Variants in NALCN observed in about 807,000 individuals in gnomAD.
The protein encoded by NALCN is sodium leak channel, non-selective, also known as sodium leak channel NALCN.
Under a neutral mutation model 225.3 loss-of-function variants are expected in NALCN, and 111 were observed. The observed-to-expected ratio is 0.49, with a 90% CI of 0.42 to 0.58. The LOEUF (loss-of-function observed/expected upper bound fraction) is 0.58, where lower values mean the gene tolerates loss of function less well. Among genes scored for constraint, NALCN ranks in the 20% least tolerant of loss-of-function variants. The pLI, the probability that NALCN is intolerant of heterozygous loss-of-function variation, is 0.00. For missense variants in NALCN, 1,378 were observed against 2,202.4 expected, an observed-to-expected ratio of 0.63 and a Z score of 7.49; for synonymous variants, 764 against 769.0, an observed-to-expected ratio of 0.99 and a Z score of 0.11.
intron 37 of NALCN, among the ~76,000 whole-genome samples, chr13:101,069,945 C>T (rs1355725125): frequency 2.6e-5 from 4 of 152,126 alleles, no homozygotes; most frequent in Non-Finnish European, 4.4e-5. Flanking sequence ...ACATGTGCAG[C>T]GACCTCCTTC....
intron 6 of NALCN, among the ~76,000 whole-genome samples, chr13:101,360,154 TTC>T (rs1332652742): frequency 1.4e-5 from 2 of 147,200 alleles, no homozygotes; most frequent in East Asian, 4.0e-4. Flanking sequence ...CTTTTTTTCT[TTC>T]TTTCTTTCTC....
At chr13:101,100,986 T>C (rs983930688) in intron 26 of NALCN, 98 bp from the exon 27 acceptor site, 17 of 934,318 alleles carry the variant, frequency 1.8e-5, no homozygotes, top group Non-Finnish European at 2.5e-5. Flanking sequence ...GATAACATTG[T>C]ATAAAAATCA....
At chr13:101,176,572 A>C (rs1022904983) in intron 14 of NALCN, among the ~76,000 whole-genome samples, 198 bp from the exon 15 acceptor site, 20 of 152,242 alleles carry the variant, frequency 1.3e-4, no homozygotes, top group African/African-American at 4.8e-4. Context: ...CGTTCATTGA[A>C]ATAATATGTT....
chr13:101,147,560 A>C (rs1282922151), intron 15 of NALCN, among the ~76,000 whole-genome samples: 1 of 152,112 alleles, frequency 6.6e-6, no homozygotes, highest in Non-Finnish European at 1.5e-5. Flanking sequence ...ACAAACAAAA[A>C]CAAAAATATA....
In NALCN at chr13:101,055,241, A is replaced by ACAT. The variant is rs2031065248; in HGVS notation, c.*51_*53dup. On this transcript the variant is annotated 3_prime_UTR_variant, in exon 44 of 44. Transcript: ENST00000251127. ...CAGATTGCTCACTGGACAATCAAGGACATTATTAGAAAACGGTTTCCACCA... is the reference window on the plus strand; with the variant it reads ...CAGATTGCTCACTGGACAATCAAGGACATCATTATTAGAAAACGGTTTCCACCA... 7.2e-7 allele frequency: 1 copy of ACAT among 1,394,950 alleles called. No individual in the cohort carries two copies. Among genetic ancestry groups the ACAT allele is most frequent in the African/African-American group, 1.4e-5 (1 of 70,486 alleles). The allele number at this position is 1,394,950 out of a possible 1,614,324, so 86.4% of individuals were successfully genotyped here.
At chr13:101,381,069 AAAT>A (rs1419078288) in intron 3 of NALCN, among the ~76,000 whole-genome samples, 1 of 152,184 alleles carries the variant, frequency 6.6e-6, no homozygotes, top group East Asian at 1.9e-4. Context: ...ATGAACGGAC[AAAT>A]AATGTTTTCA....
intron 32 of NALCN, 92 bp downstream of exon 32, chr13:101,083,000 T>G: frequency 1.3e-6 from 2 of 1,538,982 alleles, no homozygotes; most frequent in South Asian, 1.1e-5. Flanking sequence ...CCCAAGAACA[T>G]AACCGTGAAT....
At chr13:101,314,322 A>C (rs1274915204) in intron 7 of NALCN, among the ~76,000 whole-genome samples, 1 of 152,150 alleles carries the variant, frequency 6.6e-6, no homozygotes, top group African/African-American at 2.4e-5. Flanking sequence ...AATAAAATAA[A>C]AAAATGTATA....
intron 10 of NALCN, among the ~76,000 whole-genome samples, chr13:101,261,083 T>C (rs1241192447): frequency 6.6e-6 from 1 of 152,222 alleles, no homozygotes; most frequent in Non-Finnish European, 1.5e-5. Flanking sequence ...TTCATTCTTC[T>C]GCATATGGAT....
chr13:101,382,552 A>AC (rs1223627026), intron 3 of NALCN, among the ~76,000 whole-genome samples: 1 of 152,160 alleles, frequency 6.6e-6, no homozygotes, highest in Admixed American at 6.5e-5. Flanking sequence ...ATGTGACTGA[A>AC]TTTTTGTTTC....
intron 33 of NALCN, among the ~76,000 whole-genome samples, 157 bp from the exon 34 acceptor site, chr13:101,081,803 A>G (rs1177596387): frequency 1.3e-5 from 2 of 152,212 alleles, no homozygotes; most frequent in Non-Finnish European, 2.9e-5. Flanking sequence ...TGAAAATGAG[A>G]CAAACACTTT....
chr13:101,099,646 C>A (rs989153276), intron 27 of NALCN, among the ~76,000 whole-genome samples: 8 of 152,110 alleles, frequency 5.3e-5, no homozygotes, highest in Non-Finnish European at 1.0e-4. Flanking sequence ...CAAAAATTGT[C>A]TAATTATTAA....
chr13:101,317,627 A>C (rs993497132), intron 7 of NALCN, among the ~76,000 whole-genome samples: 1 of 152,136 alleles, frequency 6.6e-6, no homozygotes, highest in Non-Finnish European at 1.5e-5. Flanking sequence ...TAACCAATTA[A>C]ACTACTCCTT....
intron 17 of NALCN, among the ~76,000 whole-genome samples, chr13:101,129,965 C>T (rs2036436542): frequency 6.6e-6 from 1 of 151,512 alleles, no homozygotes; most frequent in Non-Finnish European, 1.5e-5. Context: ...TGAGAACATG[C>T]TGTGTTTGGT....
intron 15 of NALCN, among the ~76,000 whole-genome samples, chr13:101,169,280 T>C (rs574887682): frequency 6.6e-6 from 1 of 152,334 alleles, no homozygotes; most frequent in South Asian, 2.1e-4. Context: ...ATCTCAACTG[T>C]AAAAGAGATA....
chr13:101,134,176 AC>A (rs1322879303), intron 17 of NALCN, among the ~76,000 whole-genome samples: 2 of 151,682 alleles, frequency 1.3e-5, no homozygotes, highest in Non-Finnish European at 3.0e-5. Flanking sequence ...TCTCAAAAAA[AC>A]AAACAAACAA....
chr13:101,099,962 C>A (rs2034716316), intron 27 of NALCN, among the ~76,000 whole-genome samples: 1 of 152,120 alleles, frequency 6.6e-6, no homozygotes, highest in Non-Finnish European at 1.5e-5. Flanking sequence ...ATATACATTT[C>A]ATTATGTGAA....
intron 6 of NALCN, among the ~76,000 whole-genome samples, chr13:101,346,745 T>C (rs2045751320): frequency 6.6e-6 from 1 of 152,156 alleles, no homozygotes. Flanking sequence ...AACATAGGAC[T>C]GCTGACTGTA....
intron 13 of NALCN, among the ~76,000 whole-genome samples, 166 bp from the exon 14 acceptor site, chr13:101,192,220 T>C (rs1049123721): frequency 6.6e-6 from 1 of 152,160 alleles, no homozygotes; most frequent in African/African-American, 2.4e-5. Context: ...AGAATAAAGA[T>C]CTTAAAAATG....
Sources: allele counts gnomAD v4.1 joint callset (sites outside exome capture counted in the v4.1 genomes callset), GRCh38; gene constraint gnomAD v4.1.1; transcripts MANE v1.5; gene names NCBI Gene and HGNC (gene_info 2026-07-23, HGNC 2026-07-21).